Variants in CLSTN2 observed in about 807,000 individuals in gnomAD.
CLSTN2 encodes calsyntenin-2.
In CLSTN2, 48 loss-of-function variants were observed where a neutral mutation model predicts 101.2. The ratio of observed to expected loss-of-function variants is 0.47; its 90% confidence interval spans 0.38 to 0.60. The LOEUF (loss-of-function observed/expected upper bound fraction) is 0.60, where lower values mean the gene tolerates loss of function less well. Among genes scored for constraint, CLSTN2 ranks in the 20% least tolerant of loss-of-function variants. The probability of loss-of-function intolerance (pLI) is 0.00; values close to 1 mark genes in which losing one functional copy is unlikely to be tolerated. For missense variants in CLSTN2, 1,160 were observed against 1,238.2 expected (o/e 0.94, Z 0.95); for synonymous variants, 481 against 463.6 (o/e 1.04, Z -0.48).
intron 2 of CLSTN2, among the ~76,000 whole-genome samples, chr3:140,393,531 G>C (rs894595344): frequency 6.6e-6 from 1 of 152,204 alleles, no homozygotes; most frequent in Non-Finnish European, 1.5e-5. Flanking sequence ...CTCCTTACAG[G>C]AGGTGGCTGC....
chr3:140,385,778 G>A (rs563917123), intron 2 of CLSTN2, among the ~76,000 whole-genome samples: 25 of 152,204 alleles, frequency 1.6e-4, no homozygotes, highest in Admixed American at 2.6e-4. Context: ...AACATCACAC[G>A]TTTTCTTAGA....
intron 1 of CLSTN2, among the ~76,000 whole-genome samples, chr3:140,078,134 G>C (rs1354863903): frequency 1.3e-5 from 2 of 152,124 alleles, no homozygotes; most frequent in Non-Finnish European, 2.9e-5. Context: ...TTTATCCTGT[G>C]GACTCACAGG....
At chr3:140,022,662 A>C (rs1309476077) in intron 1 of CLSTN2, among the ~76,000 whole-genome samples, 1 of 152,178 alleles carries the variant, frequency 6.6e-6, no homozygotes, top group Non-Finnish European at 1.5e-5. Flanking sequence ...AATTTCACCC[A>C]TGGTGCTGCT....
At chr3:140,036,544 A>G (rs1240290743) in intron 1 of CLSTN2, among the ~76,000 whole-genome samples, 1 of 149,098 alleles carries the variant, frequency 6.7e-6, no homozygotes, top group Non-Finnish European at 1.5e-5. Context: ...TATGTAGGTA[A>G]AAAGCCCAAA....
intron 8 of CLSTN2, among the ~76,000 whole-genome samples, chr3:140,481,893 A>G (rs1217257188): frequency 6.6e-6 from 1 of 152,226 alleles, no homozygotes; most frequent in East Asian, 1.9e-4. Flanking sequence ...GTCGTCTGCA[A>G]ACAGGGACAA....
chr3:139,978,595 G>A (rs1056397166), intron 1 of CLSTN2, among the ~76,000 whole-genome samples: 2 of 151,520 alleles, frequency 1.3e-5, no homozygotes, highest in Non-Finnish European at 2.9e-5. Flanking sequence ...TGAATATTGA[G>A]CTAACCAAAG....
At chr3:140,222,310 G>A (rs756892289) in intron 2 of CLSTN2, among the ~76,000 whole-genome samples, 9 of 152,134 alleles carry the variant, frequency 5.9e-5, no homozygotes, top group Non-Finnish European at 1.3e-4. Flanking sequence ...GGTTACAAGC[G>A]GCTGGGAAGG....
chr3:140,481,038 T>A (rs1683990464), intron 8 of CLSTN2, among the ~76,000 whole-genome samples: 1 of 152,224 alleles, frequency 6.6e-6, no homozygotes, highest in Non-Finnish European at 1.5e-5. Context: ...ATGTCCTGAA[T>A]GGTATTGCCT....
chr3:139,998,865 C>T (rs935564909), intron 1 of CLSTN2, among the ~76,000 whole-genome samples: 2 of 152,142 alleles, frequency 1.3e-5, no homozygotes, highest in African/African-American at 4.8e-5. Context: ...ATATTCTAGT[C>T]ACACACACAG....
intron 2 of CLSTN2, among the ~76,000 whole-genome samples, chr3:140,309,974 C>T (rs1452333929): frequency 1.3e-5 from 2 of 152,150 alleles, no homozygotes; most frequent in Non-Finnish European, 2.9e-5. Flanking sequence ...CCCCAGTCAT[C>T]CTGCTAGGGC....
At chr3:140,345,887 C>T (rs1007882171) in intron 2 of CLSTN2, among the ~76,000 whole-genome samples, 9 of 152,166 alleles carry the variant, frequency 5.9e-5, no homozygotes, top group South Asian at 2.1e-4. Flanking sequence ...CAAAGCCTTT[C>T]GCTGTGAATG....
intron 2 of CLSTN2, among the ~76,000 whole-genome samples, chr3:140,367,001 ATGG>A (rs2087799177): frequency 6.6e-6 from 1 of 152,158 alleles, no homozygotes; most frequent in South Asian, 2.1e-4. Context: ...TGGGCTTGGT[ATGG>A]TGGTTAGTGT....
intron 1 of CLSTN2, among the ~76,000 whole-genome samples, chr3:140,130,974 T>C (rs2009513777): frequency 6.6e-6 from 1 of 152,106 alleles, no homozygotes; most frequent in Non-Finnish European, 1.5e-5. Flanking sequence ...TTTCTCCCCC[T>C]GGACCCCTTT....
At chr3:140,186,148 C>T (rs552022657) in intron 2 of CLSTN2, among the ~76,000 whole-genome samples, 65 of 152,120 alleles carry the variant, frequency 4.3e-4, no homozygotes, top group Non-Finnish European at 7.1e-4. Context: ...TTGAGGAAAT[C>T]GTCTTTTAAA....
chr3:139,969,539 C>T (rs1358710235), intron 1 of CLSTN2, among the ~76,000 whole-genome samples: 1 of 151,998 alleles, frequency 6.6e-6, no homozygotes, highest in Non-Finnish European at 1.5e-5. Flanking sequence ...ACATCACTAC[C>T]TCCTCCCTCT....
intron 2 of CLSTN2, among the ~76,000 whole-genome samples, chr3:140,366,953 G>A (rs2107954157): frequency 1.3e-5 from 2 of 152,296 alleles, no homozygotes; most frequent in African/African-American, 4.8e-5. Context: ...GCATCTGCAG[G>A]AAGGCAGGCC....
At chr3:140,128,585 A>G (rs1576437572) in intron 1 of CLSTN2, among the ~76,000 whole-genome samples, 1 of 152,312 alleles carries the variant, frequency 6.6e-6, no homozygotes, top group African/African-American at 2.4e-5. Context: ...AGGAAACCTG[A>G]AAATAAACTG....
chr3:140,556,427 G>C, intron 10 of CLSTN2, 86 bp from the exon 11 acceptor site: 4 of 1,315,744 alleles, frequency 3.0e-6, no homozygotes, highest in Non-Finnish European at 4.3e-6. Context: ...GTGACCCTTG[G>C]TGCCCTGTAT....
chr3:140,137,667 C>T (rs1478269769), intron 1 of CLSTN2, among the ~76,000 whole-genome samples: 1 of 152,192 alleles, frequency 6.6e-6, no homozygotes, highest in Non-Finnish European at 1.5e-5. Flanking sequence ...ATAATAGTAA[C>T]TGTTCTTATG....
Sources: gnomAD v4.1 joint callset for allele counts (sites outside exome capture counted in the v4.1 genomes callset) on GRCh38, gnomAD v4.1.1 for gene constraint, MANE v1.5 for transcripts, NCBI Gene and HGNC (gene_info 2026-07-23, HGNC 2026-07-21) for gene names.